Variants in PPP4R3B observed in about 807,000 individuals in gnomAD.
PPP4R3B encodes the protein protein phosphatase 4 regulatory subunit 3B.
A neutral mutation model predicts 95.4 loss-of-function variants in PPP4R3B; 52 were observed. The ratio of observed to expected loss-of-function variants is 0.54; its 90% confidence interval spans 0.44 to 0.69. The LOEUF (loss-of-function observed/expected upper bound fraction) is 0.69. Among genes scored for constraint, PPP4R3B ranks in the 30% least tolerant of loss-of-function variants. The pLI, the probability that PPP4R3B is intolerant of heterozygous loss-of-function variation, is 0.00. For missense variants in PPP4R3B, 1,003 were observed against 1,005.9 expected, an observed-to-expected ratio of 1.00 and a Z score of 0.04; for synonymous variants, 407 against 343.9, an observed-to-expected ratio of 1.18 and a Z score of -2.03.
chr2:55,569,418 T>C (rs955840597), intron 12 of PPP4R3B, among the ~76,000 whole-genome samples: 5 of 152,196 alleles, frequency 3.3e-5, no homozygotes, highest in South Asian at 2.1e-4. Flanking sequence ...AGAGGCCTAA[T>C]TGTTTCCCTG....
intron 7 of PPP4R3B, among the ~76,000 whole-genome samples, chr2:55,583,846 C>A (rs1400218178): frequency 6.6e-6 from 1 of 152,070 alleles, no homozygotes; most frequent in Non-Finnish European, 1.5e-5. Context: ...ACACATAAAA[C>A]AACTATAATT....
At chr2:55,557,066 AACG>A (rs3030736) in intron 16 of PPP4R3B, among the ~76,000 whole-genome samples, 3 of 151,452 alleles carry the variant, frequency 2.0e-5, no homozygotes, top group East Asian at 1.9e-4. Flanking sequence ...CTGTAACAAC[AACG>A]ACGACGACGA....
intron 11 of PPP4R3B, among the ~76,000 whole-genome samples, chr2:55,576,039 G>C (rs986950235): frequency 3.3e-5 from 5 of 152,058 alleles, no homozygotes; most frequent in African/African-American, 1.2e-4. Context: ...ATTTGAACTA[G>C]TCCCTCATCA....
intron 2 of PPP4R3B, among the ~76,000 whole-genome samples, chr2:55,612,803 G>T (rs1399685468): frequency 6.6e-6 from 1 of 152,074 alleles, no homozygotes; most frequent in Non-Finnish European, 1.5e-5. Context: ...AAAATTAACT[G>T]GGCGTGGTGG....
At chr2:55,577,285 T>G (rs1688810910) in intron 11 of PPP4R3B, 30 bp downstream of exon 11, 1 of 1,538,940 alleles carries the variant, frequency 6.5e-7, no homozygotes, top group African/African-American at 1.4e-5. Context: ...ATAATTTGCA[T>G]GTATTCATAA....
chr2:55,594,851 T>C (rs1481455284), intron 4 of PPP4R3B, among the ~76,000 whole-genome samples: 1 of 152,062 alleles, frequency 6.6e-6, no homozygotes, highest in Non-Finnish European at 1.5e-5. Context: ...TATTGGTGAA[T>C]AACAAAAAAT....
At chr2:55,550,813 G>A (rs778910243) in intron 16 of PPP4R3B, among the ~76,000 whole-genome samples, 1 of 152,010 alleles carries the variant, frequency 6.6e-6, no homozygotes, top group Non-Finnish European at 1.5e-5. Flanking sequence ...CTGAGGTATC[G>A]GGTTTTACCA....
chr2:55,571,911 C>T (rs1428832622), intron 12 of PPP4R3B, among the ~76,000 whole-genome samples: 1 of 152,180 alleles, frequency 6.6e-6, no homozygotes, highest in African/African-American at 2.4e-5. Flanking sequence ...TGAGCCACTG[C>T]GCCTGGCCAA....
intron 16 of PPP4R3B, among the ~76,000 whole-genome samples, chr2:55,555,715 T>C (rs904821470): frequency 2.0e-5 from 3 of 152,248 alleles, no homozygotes; most frequent in Non-Finnish European, 2.9e-5. Flanking sequence ...CAAACAACTT[T>C]AATGCCCATC....
intron 14 of PPP4R3B, among the ~76,000 whole-genome samples, 194 bp downstream of exon 14, chr2:55,564,708 A>C (rs568636535): frequency 6.6e-6 from 1 of 152,308 alleles, no homozygotes; most frequent in African/African-American, 2.4e-5. Flanking sequence ...TATTCTTCGT[A>C]AGTTACAACA....
chr2:55,552,743 G>A (rs986073392), intron 16 of PPP4R3B, among the ~76,000 whole-genome samples: 2 of 152,186 alleles, frequency 1.3e-5, no homozygotes, highest in South Asian at 2.1e-4. Flanking sequence ...GGGTATTTAG[G>A]TAAGAAATTT....
intron 1 of PPP4R3B, chr2:55,616,611 T>A (rs1044484946): frequency 2.0e-5 from 3 of 152,222 alleles, no homozygotes; most frequent in South Asian, 4.1e-4. Context: ...AGACTACAGA[T>A]GTATGTGCTT....
At chr2:55,570,590 G>A (rs951387995) in intron 12 of PPP4R3B, among the ~76,000 whole-genome samples, 1 of 152,118 alleles carries the variant, frequency 6.6e-6, no homozygotes, top group Non-Finnish European at 1.5e-5. Context: ...TTTCCCCTAA[G>A]TAGTTTATTC....
At chr2:55,605,949 T>A (rs1271320832) in intron 2 of PPP4R3B, among the ~76,000 whole-genome samples, 1 of 148,438 alleles carries the variant, frequency 6.7e-6, no homozygotes, top group African/African-American at 2.5e-5. Flanking sequence ...TCTCTCATCA[T>A]CCACAAAAGT....
chr2:55,605,854 C>T (rs181336991), intron 2 of PPP4R3B, among the ~76,000 whole-genome samples: 241 of 148,818 alleles, frequency 1.6e-3, no homozygotes, highest in African/African-American at 5.7e-3. Flanking sequence ...TGCAGTGAGC[C>T]GAGATCAAGC....
chr2:55,572,776 T>C (rs1358557041), intron 12 of PPP4R3B, among the ~76,000 whole-genome samples: 2 of 152,144 alleles, frequency 1.3e-5, no homozygotes, highest in Non-Finnish European at 2.9e-5. Flanking sequence ...CACAGTGAGA[T>C]GTGGAGTGGC....
In PPP4R3B at chr2:55,617,381, G is replaced by A; in HGVS notation, c.-96C>T. 3.8e-6 allele frequency: 5 copies of A among 1,300,462 alleles called. No homozygotes were observed. The highest frequency in any genetic ancestry group is 5.0e-6 in the Non-Finnish European group (5 of 998,726). 80.6% of individuals were successfully genotyped at this position (1,300,462 alleles called of 1,614,324 possible). A position where few individuals can be genotyped will look rare whatever the true frequency, so the allele number is the denominator to read the frequency against. ...AGACGGTAAAGGCAGTAGTGGCGGT[G>A]GCGGCGGCGGCGGCTTCGGAGAGGC... is the stretch of plus-strand genomic sequence containing the variant. On this transcript the variant is annotated 5_prime_UTR_variant, in exon 1 of 17. Transcript: ENST00000616407.
intron 16 of PPP4R3B, among the ~76,000 whole-genome samples, chr2:55,556,632 T>TCAA (rs1553460253): frequency 2.1e-5 from 3 of 141,610 alleles, no homozygotes; most frequent in African/African-American, 7.7e-5. Flanking sequence ...TACTTTGATT[T>TCAA]AAAAAAAAAA....
At chr2:55,602,821 T>C (rs563175680) in intron 3 of PPP4R3B, among the ~76,000 whole-genome samples, 1 of 152,306 alleles carries the variant, frequency 6.6e-6, no homozygotes, top group Non-Finnish European at 1.5e-5. Flanking sequence ...ACTGTAACTG[T>C]GAGTATAACA....
Sources: gnomAD v4.1 joint callset for allele counts (sites outside exome capture counted in the v4.1 genomes callset) on GRCh38, gnomAD v4.1.1 for gene constraint, MANE v1.5 for transcripts, NCBI Gene and HGNC (gene_info 2026-07-23, HGNC 2026-07-21) for gene names.